Variants in ROBO1 observed in about 807,000 individuals in gnomAD.
ROBO1 encodes roundabout homolog 1.
A neutral mutation model predicts 195.9 loss-of-function variants in ROBO1; 149 were observed. The observed-to-expected ratio is 0.76, with a 90% confidence interval of 0.67 to 0.87. The LOEUF (loss-of-function observed/expected upper bound fraction) is 0.87. Ranked by LOEUF, ROBO1 falls within the 40% of genes least tolerant of loss-of-function variation. The pLI is 0.00. For missense variants in ROBO1, 1,933 were observed against 2,068.3 expected, an observed-to-expected ratio of 0.93 and a Z score of 1.27; for synonymous variants, 816 against 733.2, an observed-to-expected ratio of 1.11 and a Z score of -1.82.
At chr3:78,770,364 T>A (rs982722569) in intron 4 of ROBO1, among the ~76,000 whole-genome samples, 1 of 152,228 alleles carries the variant, frequency 6.6e-6, no homozygotes, top group East Asian at 1.9e-4. Flanking sequence ...GATTGGTGTT[T>A]CTCTGAGGAT....
intron 3 of ROBO1, among the ~76,000 whole-genome samples, chr3:79,107,740 T>C (rs1035898474): frequency 1.3e-5 from 2 of 151,782 alleles, no homozygotes; most frequent in Non-Finnish European, 3.0e-5. Context: ...GTTGATATTG[T>C]TGAATTGATT....
chr3:79,015,833 C>T (rs1277393646), intron 3 of ROBO1, among the ~76,000 whole-genome samples: 1 of 151,992 alleles, frequency 6.6e-6, no homozygotes, highest in African/African-American at 2.4e-5. Context: ...ATCAACATAC[C>T]AAAATGGAGT....
intron 2 of ROBO1, among the ~76,000 whole-genome samples, chr3:79,226,213 C>T (rs1248001269): frequency 1.3e-5 from 2 of 152,090 alleles, no homozygotes; most frequent in Non-Finnish European, 2.9e-5. Context: ...CTTTTTATCA[C>T]ATCTGCGTGG....
At chr3:79,428,104 G>A (rs940393789) in intron 2 of ROBO1, among the ~76,000 whole-genome samples, 3 of 151,996 alleles carry the variant, frequency 2.0e-5, no homozygotes, top group African/African-American at 4.8e-5. Context: ...CAACTCTATA[G>A]GAAAGCATCT....
intron 2 of ROBO1, among the ~76,000 whole-genome samples, chr3:79,157,796 T>C (rs2108655640): frequency 6.6e-6 from 1 of 152,038 alleles, no homozygotes; most frequent in East Asian, 1.9e-4. Context: ...TGCTGCCAGT[T>C]GTGGAACTCC....
intron 2 of ROBO1, among the ~76,000 whole-genome samples, chr3:79,248,926 G>T (rs1204870848): frequency 2.0e-5 from 3 of 152,128 alleles, no homozygotes; most frequent in Admixed American, 6.6e-5. Context: ...AGGTTTGGGA[G>T]AAATGGGGAA....
chr3:78,812,976 C>T (rs1233332080), intron 4 of ROBO1, among the ~76,000 whole-genome samples: 1 of 151,956 alleles, frequency 6.6e-6, no homozygotes, highest in Non-Finnish European at 1.5e-5. Flanking sequence ...AGCATTTTTA[C>T]CATCTTTGTA....
intron 2 of ROBO1, among the ~76,000 whole-genome samples, chr3:79,390,440 G>A (rs996195032): frequency 7.9e-5 from 12 of 152,122 alleles, no homozygotes; most frequent in East Asian, 3.9e-4. Context: ...AAGCTCAGGA[G>A]GCACACCAAC....
intron 2 of ROBO1, among the ~76,000 whole-genome samples, chr3:79,240,736 T>G (rs1238826347): frequency 6.6e-6 from 1 of 152,102 alleles, no homozygotes; most frequent in Non-Finnish European, 1.5e-5. Flanking sequence ...AGGCTTGACT[T>G]CCTGGGCTCA....
At chr3:79,242,494 C>T (rs2082538002) in intron 2 of ROBO1, among the ~76,000 whole-genome samples, 1 of 152,068 alleles carries the variant, frequency 6.6e-6, no homozygotes, top group African/African-American at 2.4e-5. Flanking sequence ...AACACCAACT[C>T]AAGAAAAGTT....
At chr3:79,694,721 T>C (rs1488119304) in intron 1 of ROBO1, among the ~76,000 whole-genome samples, 1 of 151,770 alleles carries the variant, frequency 6.6e-6, no homozygotes, top group Non-Finnish European at 1.5e-5. Flanking sequence ...TTATCATGTG[T>C]TGCTAGCAAT....
intron 2 of ROBO1, among the ~76,000 whole-genome samples, chr3:79,141,504 C>T (rs555869269): frequency 1.3e-5 from 2 of 151,838 alleles, no homozygotes; most frequent in East Asian, 1.9e-4. Flanking sequence ...GGCTTACCCC[C>T]GATTCATTCA....
rs1318848822 is a variant in ROBO1 at position 79,383,646 on chromosome 3, T to C, written c.88+206178A>G. 2.0e-5 allele frequency among the ~76,000 whole-genome samples: 3 copies of C among 152,024 alleles called. No individual in the cohort carries two copies. In the East Asian group the frequency reaches 5.8e-4, roughly 29 times the overall value. ...ACCATGCATTCCCCAGAAAGTAACGTTTTTTACTCACTATTAATCTACCAA... is the reference window on the plus strand; with the variant it reads ...ACCATGCATTCCCCAGAAAGTAACGCTTTTTACTCACTATTAATCTACCAA... On this transcript the variant is annotated intron_variant, in intron 2 of 30. Transcript: ENST00000464233.
intron 19 of ROBO1, among the ~76,000 whole-genome samples, chr3:78,649,441 C>A (rs1423299960): frequency 6.6e-6 from 1 of 152,004 alleles, no homozygotes; most frequent in Non-Finnish European, 1.5e-5. Flanking sequence ...CAGGGGGTAC[C>A]CAGCGAACTG....
At chr3:79,518,866 G>A (rs1156351885) in intron 2 of ROBO1, among the ~76,000 whole-genome samples, 1 of 149,788 alleles carries the variant, frequency 6.7e-6, no homozygotes, top group Non-Finnish European at 1.5e-5. Context: ...TTTTAGTAGA[G>A]ACGGGGTTTC....
chr3:79,403,234 T>C (rs1265340266), intron 2 of ROBO1, among the ~76,000 whole-genome samples: 2 of 151,832 alleles, frequency 1.3e-5, no homozygotes, highest in African/African-American at 2.4e-5. Flanking sequence ...AAATGAGAGA[T>C]GAACCAAGAC....
chr3:79,239,048 T>C (rs2082464368), intron 2 of ROBO1, among the ~76,000 whole-genome samples: 1 of 152,322 alleles, frequency 6.6e-6, no homozygotes, highest in South Asian at 2.1e-4. Context: ...GATCGAGCCA[T>C]TGCACATTCT....
chr3:79,036,158 C>T (rs2078378072), intron 3 of ROBO1, among the ~76,000 whole-genome samples: 1 of 152,066 alleles, frequency 6.6e-6, no homozygotes, highest in African/African-American at 2.4e-5. Flanking sequence ...CCTTATACCT[C>T]GCTTTCTAAA....
At chr3:78,680,224 A>G (rs2080860689) in intron 10 of ROBO1, among the ~76,000 whole-genome samples, 1 of 152,228 alleles carries the variant, frequency 6.6e-6, no homozygotes, top group African/African-American at 2.4e-5. Context: ...AAAATCATAA[A>G]AACCCTAGAA....
Sources: gnomAD v4.1 joint callset for allele counts (sites outside exome capture counted in the v4.1 genomes callset) on GRCh38, gnomAD v4.1.1 for gene constraint, MANE v1.5 for transcripts, NCBI Gene and HGNC (gene_info 2026-07-23, HGNC 2026-07-21) for gene names.